PNPO: variants seen among roughly 807,000 people sequenced by gnomAD.
PNPO encodes pyridoxamine 5'-phosphate oxidase.
A neutral mutation model predicts 35.0 loss-of-function variants in PNPO; 39 were observed. The observed-to-expected ratio is 1.11, with a 90% CI of 0.86 to 1.45. The LOEUF is 1.45. Among genes scored for constraint, PNPO ranks in the 40% most tolerant of loss-of-function variants. The pLI, the probability that PNPO is intolerant of heterozygous loss-of-function variation, is 0.00. For synonymous variants in PNPO, 115 were observed against 119.8 expected (o/e 0.96, Z 0.26); for missense variants, 288 against 340.0 (o/e 0.85, Z 1.20).
rs78358763 is a variant in PNPO, at chr17:47,947,123, T to C, written c.*341T>C. ...GACAGGGCCCCAGCAGCCCTGTCTG[T>C]TACCATGTGAGTCATACTGGCCAAA... On this transcript the variant is annotated 3_prime_UTR_variant, in exon 7 of 7. Coordinates refer to ENST00000642017, the MANE Select transcript of PNPO (RefSeq NM_018129.4). The C allele has an allele frequency of 8.6e-4, 282 of 329,668 alleles. 1 individual carries two copies. In the East Asian group the frequency reaches 0.017, roughly 20 times the overall value. 20.4% of individuals were successfully genotyped at this position (329,668 alleles called of 1,614,324 possible).
At position 47,946,839 on chromosome 17, in the gene PNPO, G is replaced by A. The variant is rs886578063; in HGVS notation, c.*57G>A. ...GGGCTAGGTGTCAAGAGAGGGTGTG[G>A]GATTGGGACCCAGGCCCTTCTTTCT... is the stretch of plus-strand genomic sequence containing the variant. On this transcript the variant is annotated 3_prime_UTR_variant, in exon 7 of 7. Coordinates refer to ENST00000642017, the MANE Select transcript of PNPO (RefSeq NM_018129.4). 8 of 1,540,518 alleles carry A rather than the reference G, an allele frequency of 5.2e-6. No individual in the cohort carries two copies. In the Admixed American group the frequency reaches 1.3e-4, roughly 26 times the overall value.
At chr17:47,944,831 T>A in intron 3 of PNPO, 116 bp downstream of exon 3, 1 of 825,194 alleles carries the variant, frequency 1.2e-6, no homozygotes, top group Non-Finnish European at 2.1e-6. Context: ...TGTGTGCAGG[T>A]GCCCTCCTGC....
Position 47,947,011 on chromosome 17 carries a change from C to T in PNPO, c.*229C>T. The stretch of plus-strand genomic sequence containing the variant: ...GAGAATCACAAATGGAAAATAATTC[C>T]ATAATTATTTTTTTGACCTTGCCTA... On this transcript the variant is annotated 3_prime_UTR_variant, in exon 7 of 7. Transcript: ENST00000642017. The T allele has an allele frequency of 1.8e-6, 1 of 565,632 alleles. No homozygotes were observed. The highest frequency in any genetic ancestry group is 3.2e-6 in the Non-Finnish European group (1 of 316,336). 35.0% of individuals were successfully genotyped at this position (565,632 alleles called of 1,614,324 possible). A position where few individuals can be genotyped will look rare whatever the true frequency, so the allele number is the denominator to read the frequency against.
At chr17:47,943,556 C>A (rs1417254508) in intron 2 of PNPO, 126 bp downstream of exon 2, 21 of 1,179,218 alleles carry the variant, frequency 1.8e-5, no homozygotes, top group Non-Finnish European at 2.6e-5. Flanking sequence ...TGGCTTTAGG[C>A]AAGATACTTG....
intron 2 of PNPO, among the ~76,000 whole-genome samples, chr17:47,944,031 T>TC (rs2035977598): frequency 1.3e-5 from 2 of 152,200 alleles, no homozygotes; most frequent in Admixed American, 1.3e-4. Context: ...GCTAGGGCTG[T>TC]CTTAACAAAA....
chr17:47,944,918 C>T (rs1476873836), intron 3 of PNPO: 2 of 626,256 alleles, frequency 3.2e-6, no homozygotes, highest in Non-Finnish European at 5.8e-6. Context: ...ACCCCATCAG[C>T]CATGACCTGT....
At chr17:47,946,422 A>G (rs763477870) in intron 6 of PNPO, 29 bp downstream of exon 6, 44 of 1,549,328 alleles carry the variant, frequency 2.8e-5, no homozygotes, top group Non-Finnish European at 3.7e-5. Context: ...TCCTCTAGAA[A>G]GGGACACCAG....
chr17:47,943,203 A>G, intron 1 of PNPO, 103 bp from the exon 2 acceptor site: 1 of 856,140 alleles, frequency 1.2e-6, no homozygotes, highest in Non-Finnish European at 1.9e-6. Context: ...GGTCATTGTC[A>G]TGAGGACTAA....
rs796052866 is a variant in PNPO at position 47,944,658 on chromosome 17, C to T, written c.306C>T (p.Phe102=). The T allele has an allele frequency of 8.1e-5, 131 of 1,614,000 alleles. No homozygotes were observed. Among genetic ancestry groups the T allele is most frequent in the Non-Finnish European group, 1.0e-4 (123 of 1,180,026 alleles). The change falls in exon 3 of 7, where the codon TTC becomes TTT. Residue 102 remains phenylalanine (F), a synonymous_variant. Transcript: ENST00000642017. ...PSARMLLLKG[F]GKDGFRFFTN... is the part of the protein sequence containing the mutation. ...CTCGCATGTTGCTGCTGAAGGGCTTCGGGAAAGATGGCTTCCGCTTCTTCA... is the reference window on the plus strand; with the variant it reads ...CTCGCATGTTGCTGCTGAAGGGCTTTGGGAAAGATGGCTTCCGCTTCTTCA...
Position 47,946,727 on chromosome 17 carries a change from G to A in PNPO, c.731G>A (p.Gly244Glu). The change falls in exon 7 of 7, where the codon GGG becomes GAG. Residue 244 changes from glycine (G) to glutamate (E), a missense_variant. Coordinates refer to ENST00000642017, the MANE Select transcript of PNPO (RefSeq NM_018129.4). ...RGLPTGDSPLGPMTHRGEEDW... is the reference protein window; with the variant it reads ...RGLPTGDSPLEPMTHRGEEDW... ...CTACCCACAGGAGATTCCCCTTTGG[G>A]GCCCATGACCCACCGCGGGGAGGAA... The A allele has an allele frequency of 6.2e-7, 1 of 1,614,184 alleles. No individual in the cohort carries two copies. The highest frequency in any genetic ancestry group is 8.5e-7 in the Non-Finnish European group (1 of 1,180,030).
intron 5 of PNPO, 60 bp downstream of exon 5, chr17:47,946,049 CTGTCCCCAGGAGATGCCAGGAGA>C (rs1409823853): frequency 6.2e-6 from 10 of 1,601,724 alleles, no homozygotes; most frequent in South Asian, 1.1e-5. Flanking sequence ...TCCCCAGAAG[CTGTCCCCAGGAGATGCCAGGAGA>C]TGTCCCCAGG....
At chr17:47,942,235 A>G (rs16949651) in intron 1 of PNPO, 24,853 of 163,192 alleles carry the variant, frequency 0.15, 2,106 homozygotes, top group East Asian at 0.24. Context: ...TCAGTCCCAC[A>G]GCTAGTGATG....
In PNPO at chr17:47,946,485, C is replaced by T; in HGVS notation, c.617+92C>T. On this transcript the variant is annotated intron_variant, in intron 6 of 6. Coordinates refer to ENST00000642017, the MANE Select transcript of PNPO (RefSeq NM_018129.4). ...CCTGGGGAATCACAGATCTCCTCCT[C>T]CCTGGCCACCCTTGTCAGATGCATC... is the stretch of plus-strand genomic sequence containing the variant. 5.0e-6 allele frequency: 7 copies of T among 1,387,090 alleles called. No homozygotes were observed. The South Asian group carries it at 8.1e-5, about 16-fold the overall frequency. 85.9% of individuals were successfully genotyped at this position (1,387,090 alleles called of 1,614,324 possible). A position where few individuals can be genotyped will look rare whatever the true frequency, so the allele number is the denominator to read the frequency against.
At chr17:47,944,736 A>ATC in intron 3 of PNPO, 21 bp downstream of exon 3, 1 of 1,587,848 alleles carries the variant, frequency 6.3e-7, no homozygotes, top group Non-Finnish European at 8.7e-7. Flanking sequence ...AGAGCTAGTA[A>ATC]TCTTTCCCAG....
chr17:47,946,080 A>T, intron 5 of PNPO, 91 bp downstream of exon 5: 1 of 1,476,338 alleles, frequency 6.8e-7, no homozygotes, highest in Non-Finnish European at 9.4e-7. Context: ...AGATGTCCCC[A>T]GGAGATGTCC....
intron 1 of PNPO, chr17:47,942,025 G>A: frequency 7.5e-7 from 1 of 1,326,306 alleles, no homozygotes; most frequent in Non-Finnish European, 9.6e-7. Flanking sequence ...AATGAAGATG[G>A]GTTCAAAAGG....
chr17:47,943,549 C>G (rs1260273471), intron 2 of PNPO, 119 bp downstream of exon 2: 2 of 1,270,272 alleles, frequency 1.6e-6, no homozygotes, highest in Non-Finnish European at 2.2e-6. Context: ...TGCTCTGTGG[C>G]TTTAGGCAAG....
rs533218088 is a variant in PNPO, at chr17:47,947,389, A to T, written c.*607A>T. The T allele has an allele frequency of 2.0e-5, 3 of 150,214 alleles. No individual in the cohort carries two copies. 9.3% of individuals were successfully genotyped at this position (150,214 alleles called of 1,614,324 possible). On this transcript the variant is annotated 3_prime_UTR_variant, in exon 7 of 7. Transcript: ENST00000642017. The stretch of plus-strand genomic sequence containing the variant: ...GCTGTGCAGTTCCTCCCCCTGCCTT[A>T]AAACACCCCACTATCTCTGTAAAGT...
At chr17:47,944,955 C>T (rs946810340) in intron 3 of PNPO, 13 of 577,502 alleles carry the variant, frequency 2.3e-5, no homozygotes, top group African/African-American at 1.1e-4. Context: ...CCACATGTTA[C>T]CTCCTCAGGA....
Sources: allele counts gnomAD v4.1 joint callset (sites outside exome capture counted in the v4.1 genomes callset), GRCh38; gene constraint gnomAD v4.1.1; transcripts MANE v1.5; gene names NCBI Gene and HGNC (gene_info 2026-07-23, HGNC 2026-07-21).